Variants in FHIT observed in about 807,000 individuals in gnomAD.
The protein encoded by FHIT is bis(5'-adenosyl)-triphosphatase.
A neutral mutation model predicts 17.9 loss-of-function variants in FHIT; 19 were observed. That is an observed-to-expected ratio of 1.06 (90% CI 0.74 to 1.56). FHIT has a LOEUF of 1.56. Among genes scored for constraint, FHIT ranks in the 40% most tolerant of loss-of-function variants. The probability of loss-of-function intolerance (pLI) is 0.00; values close to 1 mark genes in which losing one functional copy is unlikely to be tolerated. For missense variants in FHIT, 248 were observed against 189.2 expected (o/e 1.31, Z -1.82); for synonymous variants, 81 against 69.7 (o/e 1.16, Z -0.81).
In FHIT at chr3:60,195,153, T is replaced by C. The variant is rs559243298; in HGVS notation, c.104-181001A>G. ...TCCACTCCAGCCTGGGGGACAAGAA[T>C]GAGACTTTGTCTCAAAAAAACAAAA... On this transcript the variant is annotated intron_variant, in intron 5 of 9. Coordinates refer to ENST00000492590, the MANE Select transcript of FHIT (RefSeq NM_002012.4). 2.6e-5 allele frequency among the ~76,000 whole-genome samples: 4 copies of C among 152,102 alleles called. No individual in the cohort carries two copies. In the East Asian group the frequency reaches 7.8e-4, roughly 29 times the overall value.
intron 4 of FHIT, among the ~76,000 whole-genome samples, chr3:60,758,861 A>C (rs1699539262): frequency 6.6e-6 from 1 of 152,206 alleles, no homozygotes; most frequent in East Asian, 1.9e-4. Context: ...GAAATGGTTA[A>C]CAGGAATAGA....
intron 8 of FHIT, among the ~76,000 whole-genome samples, chr3:59,897,121 C>A (rs1036439547): frequency 6.6e-6 from 1 of 152,184 alleles, no homozygotes; most frequent in African/African-American, 2.4e-5. Context: ...TTTATATAGT[C>A]TTGGGGTATC....
chr3:59,860,940 G>A (rs898576360), intron 8 of FHIT, among the ~76,000 whole-genome samples: 10 of 152,084 alleles, frequency 6.6e-5, no homozygotes, highest in Non-Finnish European at 1.2e-4. Context: ...CATAGAACCC[G>A]AAAGATCTCT....
chr3:60,475,683 T>C (rs7644852), intron 5 of FHIT, among the ~76,000 whole-genome samples: 48,632 of 152,046 alleles, frequency 0.32, 8,345 homozygotes, highest in East Asian at 0.54. Flanking sequence ...CTCACGTTTC[T>C]TTCATGTAAA....
At position 60,189,746 on chromosome 3, in the gene FHIT, G is replaced by GT. The variant is rs562286864; in HGVS notation, c.104-175595dup. On this transcript the variant is annotated intron_variant, in intron 5 of 9. Coordinates refer to ENST00000492590, the MANE Select transcript of FHIT (RefSeq NM_002012.4). Reference sequence around the variant, plus strand: ...TTTCAGCTCTCTGACATTTACCCACGTTTTTTCATTTCAAAAGAGTTAACT... The same window carrying GT: ...TTTCAGCTCTCTGACATTTACCCACGTTTTTTTCATTTCAAAAGAGTTAACT... Among the ~76,000 whole-genome samples the GT allele has an allele frequency of 2.1e-4, 32 of 152,228 alleles. No individual in the cohort carries two copies. In the South Asian group the frequency reaches 6.2e-3, roughly 30 times the overall value.
chr3:61,225,929 T>G (rs1055778980), intron 1 of FHIT, among the ~76,000 whole-genome samples: 3 of 152,234 alleles, frequency 2.0e-5, no homozygotes, highest in African/African-American at 7.2e-5. Context: ...TGATCTGATA[T>G]TCTATTTCAC....
chr3:59,878,793 A>G (rs1559691693), intron 8 of FHIT, among the ~76,000 whole-genome samples: 1 of 152,208 alleles, frequency 6.6e-6, no homozygotes, highest in Non-Finnish European at 1.5e-5. Context: ...CGCTAACGAG[A>G]AAGGGTTTGA....
At chr3:60,027,358 A>T (rs1700795144) in intron 5 of FHIT, among the ~76,000 whole-genome samples, 1 of 152,098 alleles carries the variant, frequency 6.6e-6, no homozygotes, top group Admixed American at 6.6e-5. Context: ...AGAATCCTAA[A>T]ATTCACTCTC....
intron 2 of FHIT, among the ~76,000 whole-genome samples, chr3:61,092,257 T>C (rs2035509406): frequency 6.6e-6 from 1 of 152,074 alleles, no homozygotes; most frequent in Non-Finnish European, 1.5e-5. Context: ...ATCTACTTTA[T>C]AACTCAAAGA....
At chr3:60,309,018 G>T (rs967974152) in intron 5 of FHIT, among the ~76,000 whole-genome samples, 1 of 152,052 alleles carries the variant, frequency 6.6e-6, no homozygotes, top group African/African-American at 2.4e-5. Context: ...CACTTTCTAG[G>T]CTGCTTGGAG....
intron 5 of FHIT, among the ~76,000 whole-genome samples, chr3:60,390,159 G>C (rs972618202): frequency 2.0e-5 from 3 of 152,006 alleles, no homozygotes; most frequent in Non-Finnish European, 2.9e-5. Context: ...TTATTCACTT[G>C]TTTTAAATTT....
intron 5 of FHIT, among the ~76,000 whole-genome samples, chr3:60,290,068 G>C (rs927759015): frequency 1.3e-5 from 2 of 152,120 alleles, no homozygotes; most frequent in Admixed American, 6.5e-5. Context: ...TACTGTTTCT[G>C]ATGCTATGCG....
In FHIT at chr3:60,011,503, T is replaced by A. The variant is rs1270673959; in HGVS notation, c.250-103A>T. 7 of 1,001,078 alleles carry A rather than the reference T, an allele frequency of 7.0e-6. No individual in the cohort carries two copies. The African/African-American group carries it at 1.1e-4, about 16-fold the overall frequency. The allele number at this position is 1,001,078 out of a possible 1,614,324, so 62.0% of individuals were successfully genotyped here. Reference sequence around the variant, plus strand: ...ATAATTTAGATGCAATTTCATTGTGTGTTAATTTATAGTATTCTCATGGGG... The same window carrying A: ...ATAATTTAGATGCAATTTCATTGTGAGTTAATTTATAGTATTCTCATGGGG... On this transcript the variant is annotated intron_variant, in intron 6 of 9. Coordinates refer to ENST00000492590, the MANE Select transcript of FHIT (RefSeq NM_002012.4).
At chr3:60,642,257 G>C (rs561178899) in intron 4 of FHIT, among the ~76,000 whole-genome samples, 103 of 152,260 alleles carry the variant, frequency 6.8e-4, no homozygotes, top group African/African-American at 2.2e-3. Flanking sequence ...AGGAAGGCGG[G>C]GGATGGAGAA....
rs578181825 is a variant in FHIT at position 60,259,323 on chromosome 3, C to A, written c.104-245171G>T. ...ATGTTGCTCAGACATAGCAGATGAG[C>A]GGCTGGGTACTGGCTATACAATCTG... On this transcript the variant is annotated intron_variant, in intron 5 of 9. Coordinates refer to ENST00000492590, the MANE Select transcript of FHIT (RefSeq NM_002012.4). Among the ~76,000 whole-genome samples, 6 of 152,052 alleles carry A rather than the reference C, an allele frequency of 3.9e-5. No homozygotes were observed. In the South Asian group the frequency reaches 1.2e-3, roughly 32 times the overall value.
chr3:59,961,404 T>C (rs1559500951), intron 7 of FHIT, among the ~76,000 whole-genome samples: 1 of 152,196 alleles, frequency 6.6e-6, no homozygotes, highest in Non-Finnish European at 1.5e-5. Flanking sequence ...TTCATTTCGC[T>C]GTACTTATAG....
intron 5 of FHIT, among the ~76,000 whole-genome samples, chr3:60,524,342 G>A (rs2035494189): frequency 2.0e-5 from 3 of 152,272 alleles, no homozygotes; most frequent in Non-Finnish European, 4.4e-5. Flanking sequence ...ACTATTCTGT[G>A]ACATTTGAGC....
chr3:60,319,321 G>A (rs1480155398), intron 5 of FHIT, among the ~76,000 whole-genome samples: 1 of 151,906 alleles, frequency 6.6e-6, no homozygotes, highest in Non-Finnish European at 1.5e-5. Flanking sequence ...ACAGCTTCCC[G>A]ACTAGTATGG....
chr3:60,046,176 C>T (rs1347898944), intron 5 of FHIT, among the ~76,000 whole-genome samples: 1 of 152,210 alleles, frequency 6.6e-6, no homozygotes. Flanking sequence ...TTCAATAAAG[C>T]TGCTTTTCAC....
Sources: allele counts gnomAD v4.1 joint callset (sites outside exome capture counted in the v4.1 genomes callset), GRCh38; gene constraint gnomAD v4.1.1; transcripts MANE v1.5; gene names NCBI Gene and HGNC (gene_info 2026-07-23, HGNC 2026-07-21).